The following SHQ1 variants were observed in gnomAD, a reference collection of about 807,000 sequenced individuals.
SHQ1 encodes protein SHQ1 homolog.
In SHQ1, 49 loss-of-function variants were observed where a neutral mutation model predicts 53.8. The ratio of observed to expected loss-of-function variants is 0.91; its 90% CI spans 0.72 to 1.16. The LOEUF is 1.16. SHQ1 is among the 50% of genes most tolerant of loss of function. SHQ1 has a pLI of 0.00. For synonymous variants in SHQ1, 243 were observed against 251.0 expected (o/e 0.97, Z 0.30); for missense variants, 738 against 683.1 (o/e 1.08, Z -0.90).
chr3:72,726,941 G>C, the SHQ1 span, among the ~76,000 whole-genome samples: 1 of 152,166 alleles, frequency 6.6e-6, no homozygotes, highest in Non-Finnish European at 1.5e-5. Flanking sequence ...AACTGGAAAG[G>C]CACATCAGAA....
chr3:72,768,010 C>T (rs1705768123), intron 10 of SHQ1, among the ~76,000 whole-genome samples: 1 of 152,122 alleles, frequency 6.6e-6, no homozygotes, highest in South Asian at 2.1e-4. Context: ...GCAGCCACTT[C>T]ATTCCACTGA....
chr3:72,779,665 AG>A (rs1235114207), intron 10 of SHQ1, among the ~76,000 whole-genome samples: 1 of 152,196 alleles, frequency 6.6e-6, no homozygotes, highest in African/African-American at 2.4e-5. Context: ...CAGATACTCA[AG>A]TCTAAAGCAG....
At chr3:72,763,753 G>A (rs1705659937) in intron 10 of SHQ1, among the ~76,000 whole-genome samples, 1 of 152,192 alleles carries the variant, frequency 6.6e-6, no homozygotes, top group Non-Finnish European at 1.5e-5. Context: ...CAGCACTGCT[G>A]AAGCCAGCAG....
intron 10 of SHQ1, among the ~76,000 whole-genome samples, chr3:72,757,716 T>C (rs1436096522): frequency 2.0e-5 from 3 of 152,122 alleles, no homozygotes; most frequent in African/African-American, 7.2e-5. Flanking sequence ...AGCAAACTAA[T>C]GCAGGAACAG....
intron 10 of SHQ1, chr3:72,752,967 A>T (rs1174552933): frequency 3.0e-6 from 3 of 985,180 alleles, no homozygotes; most frequent in Non-Finnish European, 3.6e-6. Context: ...CCAGCCGAAG[A>T]CGCTTTTCCT....
chr3:72,786,076 T>G (rs1378446295), intron 10 of SHQ1, among the ~76,000 whole-genome samples: 1 of 152,228 alleles, frequency 6.6e-6, no homozygotes, highest in Non-Finnish European at 1.5e-5. Flanking sequence ...ACATCTCATC[T>G]TGGCTCCTCC....
In SHQ1 at chr3:72,832,436, G is replaced by A. The variant is rs767515661; in HGVS notation, c.532C>T (p.Pro178Ser). 3.7e-6 allele frequency: 6 copies of A among 1,612,954 alleles called. No homozygotes were observed. The highest frequency in any genetic ancestry group is 5.1e-6 in the Non-Finnish European group (6 of 1,179,926). ...CGCTTCTGTCTTCGTTCAGCTGCAG[G>A]GGTGAAATCTGGATCCTTAATATCA... ...VIDIKDPDFT[P>S]AAERRQKRLA... Residue 178 changes from proline (P) to serine (S), a missense_variant, in exon 5 of 11, where the codon CCT becomes TCT. Transcript: ENST00000325599.
intron 6 of SHQ1, among the ~76,000 whole-genome samples, chr3:72,822,469 G>A (rs1707506964): frequency 6.6e-6 from 1 of 152,144 alleles, no homozygotes; most frequent in Non-Finnish European, 1.5e-5. Context: ...ACTGGACTGA[G>A]AACAAGCTAC....
At chr3:72,744,924 G>GC (rs1553687484), downstream of SHQ1, among the ~76,000 whole-genome samples, 57 of 37,044 alleles carry the variant, frequency 1.5e-3, no homozygotes, top group Non-Finnish European at 2.3e-3. Context: ...TTGATACATT[G>GC]GGGGGGGGGG....
intron 10 of SHQ1, among the ~76,000 whole-genome samples, chr3:72,784,247 C>CTTAG (rs930633568): frequency 5.3e-5 from 8 of 150,800 alleles, no homozygotes; most frequent in Admixed American, 2.0e-4. Context: ...TTTCAATACA[C>CTTAG]TTAGTTACAG....
intron 10 of SHQ1, among the ~76,000 whole-genome samples, chr3:72,754,496 C>G (rs537815203): frequency 6.6e-6 from 1 of 152,150 alleles, no homozygotes; most frequent in Admixed American, 6.5e-5. Flanking sequence ...ATTCTCCTGC[C>G]TCCGCCTCCC....
intron 9 of SHQ1, chr3:72,794,163 T>C (rs912015621): frequency 6.6e-6 from 1 of 152,268 alleles, no homozygotes; most frequent in African/African-American, 2.4e-5. Flanking sequence ...GCGGAAATAC[T>C]GTATACTGAG....
At position 72,750,186 on chromosome 3, in the gene SHQ1, T is replaced by C. The variant is rs1390124644; in HGVS notation, c.*98A>G. On this transcript the variant is annotated 3_prime_UTR_variant, in exon 11 of 11. Coordinates refer to ENST00000325599, the MANE Select transcript of SHQ1 (RefSeq NM_018130.3). ...ACACAAATACAGTGGGCTGACTATA[T>C]ACTAAGAAAAATTACAAAGTGAAAA... 12 of 1,069,782 alleles carry C rather than the reference T, an allele frequency of 1.1e-5. No individual in the cohort carries two copies. The highest frequency in any genetic ancestry group is 1.5e-5 in the Non-Finnish European group (11 of 733,700). The allele number at this position is 1,069,782 out of a possible 1,614,324, so 66.3% of individuals were successfully genotyped here. A position where few individuals can be genotyped will look rare whatever the true frequency, so the allele number is the denominator to read the frequency against.
At chr3:72,746,830 GAAGT>G (rs1185075232), downstream of SHQ1, among the ~76,000 whole-genome samples, 1 of 152,194 alleles carries the variant, frequency 6.6e-6, no homozygotes, top group Non-Finnish European at 1.5e-5. Context: ...GACTTCAGTG[GAAGT>G]AAATGAGGGG....
intron 5 of SHQ1, among the ~76,000 whole-genome samples, chr3:72,831,556 T>C (rs565540614): frequency 1.4e-4 from 21 of 152,218 alleles, no homozygotes; most frequent in South Asian, 4.1e-4. Flanking sequence ...ATGATGATTA[T>C]AGCTATATAT....
chr3:72,735,162 T>C, the SHQ1 span, among the ~76,000 whole-genome samples: 1 of 151,808 alleles, frequency 6.6e-6, no homozygotes, highest in Non-Finnish European at 1.5e-5. Flanking sequence ...GAGCCTTTCA[T>C]AATCCTTTTT....
intron 9 of SHQ1, among the ~76,000 whole-genome samples, chr3:72,796,891 A>C (rs1706641485): frequency 6.6e-6 from 1 of 150,552 alleles, no homozygotes; most frequent in African/African-American, 2.5e-5. Context: ...AAGAGAAGAA[A>C]TTACATTGTA....
At chr3:72,811,482 TGTTAA>T (rs1266815042) in intron 9 of SHQ1, among the ~76,000 whole-genome samples, 2 of 152,212 alleles carry the variant, frequency 1.3e-5, no homozygotes, top group African/African-American at 2.4e-5. Flanking sequence ...TGTTTCCCAC[TGTTAA>T]GTTAAAGAAG....
chr3:72,796,541 C>A (rs566882140), intron 9 of SHQ1, among the ~76,000 whole-genome samples: 1 of 152,280 alleles, frequency 6.6e-6, no homozygotes, highest in East Asian at 1.9e-4. Flanking sequence ...AAATAACAGG[C>A]AGGGCATGGT....
Sources: allele counts gnomAD v4.1 joint callset (sites outside exome capture counted in the v4.1 genomes callset), GRCh38; gene constraint gnomAD v4.1.1; transcripts MANE v1.5; gene names NCBI Gene and HGNC (gene_info 2026-07-23, HGNC 2026-07-21).